CDH12: variants seen among roughly 807,000 people sequenced by gnomAD.
CDH12 encodes the protein cadherin 12.
In CDH12, 41 loss-of-function variants were observed where a neutral mutation model predicts 74.1. The ratio of observed to expected loss-of-function variants is 0.55; its 90% CI spans 0.43 to 0.72. The LOEUF (loss-of-function observed/expected upper bound fraction) is 0.72, where lower values mean the gene tolerates loss of function less well. CDH12 is among the 30% of genes least tolerant of loss of function. The pLI is 0.00. For synonymous variants in CDH12, 399 were observed against 355.0 expected (o/e 1.12, Z -1.39); for missense variants, 945 against 977.2 (o/e 0.97, Z 0.44).
In CDH12 at chr5:21,803,143, A is replaced by G. The variant is rs114477068; in HGVS notation, c.1003-723T>C. ...GAATAAAAATGAAATAGGATCATTG[A>G]AGATACTCTAGATTCTAGCTGTAAA... On this transcript the variant is annotated intron_variant, in intron 9 of 14. Coordinates refer to ENST00000382254, the MANE Select transcript of CDH12 (RefSeq NM_004061.5). Among the ~76,000 whole-genome samples the G allele has an allele frequency of 4.5e-3, 692 of 152,294 alleles. 6 individuals carry two copies. The highest frequency in any genetic ancestry group is 0.016 in the African/African-American group (667 of 41,570).
chr5:22,189,434 A>C lies in CDH12; in HGVS notation c.-187+23064T>G, dbSNP rs1460366624. ...AATCCTTCCTATAGAATATGGTCAAAATCAATAATAGCATATAAATATATC... is the reference window on the plus strand; with the variant it reads ...AATCCTTCCTATAGAATATGGTCAACATCAATAATAGCATATAAATATATC... On this transcript the variant is annotated intron_variant, in intron 4 of 14. Transcript: ENST00000382254. Among the ~76,000 whole-genome samples, 3 of 152,282 alleles carry C rather than the reference A, an allele frequency of 2.0e-5. No homozygotes were observed. In the East Asian group the frequency reaches 5.8e-4, roughly 29 times the overall value.
chr5:22,105,057 T>C (rs752757817), intron 4 of CDH12, among the ~76,000 whole-genome samples: 1 of 152,024 alleles, frequency 6.6e-6, no homozygotes, highest in Non-Finnish European at 1.5e-5. Flanking sequence ...CATCTTTCCC[T>C]GCGCGTATGT....
chr5:22,396,419 A>G (rs928336949), intron 3 of CDH12, among the ~76,000 whole-genome samples: 2 of 152,066 alleles, frequency 1.3e-5, no homozygotes, highest in East Asian at 1.9e-4. Flanking sequence ...AAAGTGTTCT[A>G]TTACAAGCCA....
chr5:22,013,042 C>T (rs1037854800), intron 5 of CDH12, among the ~76,000 whole-genome samples: 3 of 150,096 alleles, frequency 2.0e-5, no homozygotes, highest in Non-Finnish European at 4.4e-5. Flanking sequence ...GTGAGTCAAC[C>T]AAATTATACG....
At chr5:22,552,273 T>TAAAAC (rs984795403) in intron 1 of CDH12, among the ~76,000 whole-genome samples, 1 of 152,140 alleles carries the variant, frequency 6.6e-6, no homozygotes, top group South Asian at 2.1e-4. Context: ...GTTGCTTTTT[T>TAAAAC]AAAACAAAAC....
At chr5:22,282,346 C>T (rs1451436446) in intron 3 of CDH12, among the ~76,000 whole-genome samples, 4 of 151,926 alleles carry the variant, frequency 2.6e-5, no homozygotes, top group South Asian at 2.1e-4. Flanking sequence ...AAAGACTTCA[C>T]GACTAAAACA....
chr5:21,873,956 T>G (rs1012104905), intron 6 of CDH12, among the ~76,000 whole-genome samples: 1 of 152,202 alleles, frequency 6.6e-6, no homozygotes, highest in Non-Finnish European at 1.5e-5. Flanking sequence ...TATGGCTACA[T>G]AGTATTCCAT....
chr5:22,296,074 A>G (rs1737610366), intron 3 of CDH12, among the ~76,000 whole-genome samples: 2 of 151,992 alleles, frequency 1.3e-5, no homozygotes, highest in South Asian at 4.1e-4. Flanking sequence ...TAACTTTATG[A>G]TACCTATAGG....
At chr5:21,988,491 CAAAAAAAAAAAAA>C (rs1157872208) in intron 5 of CDH12, among the ~76,000 whole-genome samples, 6 of 29,502 alleles carry the variant, frequency 2.0e-4, no homozygotes, top group South Asian at 4.4e-3. Flanking sequence ...GACTCCGTCT[CAAAAAAAAAAAAA>C]AAAAAAAAAA....
In CDH12 at chr5:21,751,606, C is replaced by CAAAA. The variant is rs768357587; in HGVS notation, c.*130_*131insTTTT. 6.7e-6 allele frequency: 4 copies of CAAAA among 599,640 alleles called. No homozygotes were observed. Among genetic ancestry groups the CAAAA allele is most frequent in the Non-Finnish European group, 8.3e-6 (3 of 359,602 alleles). The allele number at this position is 599,640 out of a possible 1,614,324, so 37.1% of individuals were successfully genotyped here. On this transcript the variant is annotated 3_prime_UTR_variant, in exon 15 of 15. Transcript: ENST00000382254. ...CCAGGTAATCAAAGGAATCTTGTCC[C>CAAAA]AGAGTGTGTGTGTGTGTGTGTGTGT...
chr5:22,443,194 G>A (rs1744693365), intron 2 of CDH12, among the ~76,000 whole-genome samples: 1 of 152,068 alleles, frequency 6.6e-6, no homozygotes. Flanking sequence ...TCATAGCAGA[G>A]TACGTTTTTG....
intron 3 of CDH12, among the ~76,000 whole-genome samples, chr5:22,356,893 T>C (rs957034001): frequency 2.6e-5 from 4 of 152,132 alleles, no homozygotes; most frequent in African/African-American, 7.2e-5. Context: ...AGAAAAATAC[T>C]AGTAGCAACC....
chr5:22,660,441 T>C (rs576813303), intron 1 of CDH12, among the ~76,000 whole-genome samples: 34 of 152,348 alleles, frequency 2.2e-4, no homozygotes, highest in Admixed American at 2.2e-3. Context: ...TAATCTCTCT[T>C]ATCGGTCTGT....
At chr5:22,702,925 T>A (rs1742794408) in intron 1 of CDH12, among the ~76,000 whole-genome samples, 1 of 152,104 alleles carries the variant, frequency 6.6e-6, no homozygotes, top group Non-Finnish European at 1.5e-5. Context: ...TAAACTAACT[T>A]TTCTGCAATA....
chr5:22,136,978 A>T (rs1746502630), intron 4 of CDH12, among the ~76,000 whole-genome samples: 1 of 151,558 alleles, frequency 6.6e-6, no homozygotes. Flanking sequence ...AAATAACCAA[A>T]CATGAGCTGA....
intron 3 of CDH12, among the ~76,000 whole-genome samples, chr5:22,367,088 T>C (rs529495682): frequency 1.3e-5 from 2 of 152,346 alleles, no homozygotes; most frequent in African/African-American, 4.8e-5. Context: ...CGAAGGGGAA[T>C]GATTAAGTTC....
chr5:22,771,221 A>T (rs148405978), intron 1 of CDH12, among the ~76,000 whole-genome samples: 103 of 152,252 alleles, frequency 6.8e-4, no homozygotes, highest in Non-Finnish European at 1.3e-3. Context: ...AATATCTTAC[A>T]CTAACAACTC....
At chr5:22,018,459 T>C (rs1366034301) in intron 5 of CDH12, among the ~76,000 whole-genome samples, 1 of 152,208 alleles carries the variant, frequency 6.6e-6, no homozygotes, top group Admixed American at 6.5e-5. Flanking sequence ...CAGTGATAGT[T>C]CCTATTCCAT....
intron 7 of CDH12, among the ~76,000 whole-genome samples, chr5:21,852,456 C>T (rs1421854482): frequency 6.6e-6 from 1 of 151,128 alleles, no homozygotes; most frequent in Admixed American, 6.6e-5. Context: ...TGATATTGGC[C>T]AAGTGAAATC....
Sources: gnomAD v4.1 joint callset for allele counts (sites outside exome capture counted in the v4.1 genomes callset) on GRCh38, gnomAD v4.1.1 for gene constraint, MANE v1.5 for transcripts, NCBI Gene and HGNC (gene_info 2026-07-23, HGNC 2026-07-21) for gene names.